Variants in DOCK2 observed in about 807,000 individuals in gnomAD.
DOCK2 encodes the protein dedicator of cytokinesis 2, also known as dedicator of cytokinesis protein 2.
Under a neutral mutation model 248.9 loss-of-function variants are expected in DOCK2, and 87 were observed. The ratio of observed to expected loss-of-function variants is 0.35; its 90% CI spans 0.29 to 0.42. DOCK2 has a LOEUF of 0.42. DOCK2 is among the 10% of genes least tolerant of loss of function. DOCK2 has a pLI of 1.00. For missense variants in DOCK2, 1,747 were observed against 2,300.2 expected (o/e 0.76, Z 4.92); for synonymous variants, 805 against 821.6 (o/e 0.98, Z 0.35).
At chr5:169,818,242 G>A (rs1000105526) in intron 26 of DOCK2, among the ~76,000 whole-genome samples, 2 of 152,170 alleles carry the variant, frequency 1.3e-5, no homozygotes, top group African/African-American at 4.8e-5. Context: ...TCACCACACT[G>A]TGCCCAGCTT....
intron 33 of DOCK2, among the ~76,000 whole-genome samples, chr5:170,020,168 C>T (rs1755672414): frequency 6.6e-6 from 1 of 152,214 alleles, no homozygotes; most frequent in Non-Finnish European, 1.5e-5. Context: ...CCCCGCCTTA[C>T]CTCTTCTCCA....
chr5:169,889,426 A>G (rs1196427424), intron 27 of DOCK2, among the ~76,000 whole-genome samples: 3 of 152,220 alleles, frequency 2.0e-5, no homozygotes, highest in Non-Finnish European at 4.4e-5. Context: ...CCTGATCCCT[A>G]TTGTAGCACT....
chr5:169,848,160 A>G (rs922023400), intron 27 of DOCK2, among the ~76,000 whole-genome samples: 1 of 152,218 alleles, frequency 6.6e-6, no homozygotes, highest in Admixed American at 6.5e-5. Context: ...GAGAGGTTAA[A>G]ATATATTTTT....
intron 2 of DOCK2, among the ~76,000 whole-genome samples, chr5:169,663,442 G>A (rs1041597256): frequency 6.6e-6 from 1 of 152,190 alleles, no homozygotes; most frequent in African/African-American, 2.4e-5. Context: ...TCTGTGTGGG[G>A]GCTCCAACCC....
rs562383436 is a variant in DOCK2, at chr5:169,906,609, G to T, written c.2799+65757G>T. Among the ~76,000 whole-genome samples the T allele has an allele frequency of 7.9e-5, 12 of 152,276 alleles. No homozygotes were observed. The East Asian group carries it at 2.1e-3, about 27-fold the overall frequency. On this transcript the variant is annotated intron_variant, in intron 27 of 51. Transcript: ENST00000520908. ...AGCCTCCCAAAGTGCTGGGGTTACG[G>T]GTATGAGCCACCCATGCCTGGCCAA...
At chr5:170,078,900 C>T in intron 48 of DOCK2, 75 bp from the exon 49 acceptor site, 3 of 1,559,656 alleles carry the variant, frequency 1.9e-6, no homozygotes, top group African/African-American at 1.4e-5. Flanking sequence ...TCCCCTTCAG[C>T]TTCCTGGGTC....
rs1237691630 is a variant in DOCK2, at chr5:169,678,033, C to G, written c.470+3588C>G. On this transcript the variant is annotated intron_variant, in intron 6 of 51. Coordinates refer to ENST00000520908, the MANE Select transcript of DOCK2 (RefSeq NM_004946.3). ...TGTAGATGATCCATCTTGAGGCAGT[C>G]TTTAAGTGGGGGAGAATTCTGTAGC... Among the ~76,000 whole-genome samples, 4 of 152,278 alleles carry G rather than the reference C, an allele frequency of 2.6e-5. No individual in the cohort carries two copies. The East Asian group carries it at 5.8e-4, about 22-fold the overall frequency.
intron 44 of DOCK2, among the ~76,000 whole-genome samples, chr5:170,064,841 G>A (rs1024116807): frequency 6.6e-6 from 1 of 152,236 alleles, no homozygotes. Flanking sequence ...AGCACCATTA[G>A]ACCTGCCTTA....
intron 27 of DOCK2, among the ~76,000 whole-genome samples, chr5:169,845,680 C>G (rs556244837): frequency 3.3e-5 from 5 of 152,318 alleles, no homozygotes; most frequent in Admixed American, 6.5e-5. Flanking sequence ...CCTGTTCAGA[C>G]TTTCTGGCTC....
chr5:169,950,036 T>A (rs944718923), intron 27 of DOCK2, among the ~76,000 whole-genome samples: 1 of 152,172 alleles, frequency 6.6e-6, no homozygotes, highest in Non-Finnish European at 1.5e-5. Flanking sequence ...CACAGATGCT[T>A]CCCACTGAGG....
chr5:169,792,778 A>G (rs1277738496), intron 25 of DOCK2, among the ~76,000 whole-genome samples: 2 of 152,230 alleles, frequency 1.3e-5, no homozygotes, highest in Non-Finnish European at 2.9e-5. Context: ...AAATGTAATC[A>G]TTCTAAGCAT....
chr5:169,986,790 TTTCATGGAAAGCCC>T (rs2113789144), intron 29 of DOCK2, among the ~76,000 whole-genome samples: 1 of 152,368 alleles, frequency 6.6e-6, no homozygotes, highest in South Asian at 2.1e-4. Context: ...TTTTAAATTC[TTTCATGGAAAGCCC>T]TTCAACTTAT....
At chr5:169,876,592 C>G (rs1322689232) in intron 27 of DOCK2, among the ~76,000 whole-genome samples, 2 of 152,228 alleles carry the variant, frequency 1.3e-5, no homozygotes, top group Non-Finnish European at 2.9e-5. Context: ...GCAGCAAGCT[C>G]TCTGAGTCAT....
chr5:169,735,226 G>T (rs935774772), intron 22 of DOCK2, among the ~76,000 whole-genome samples: 2 of 151,886 alleles, frequency 1.3e-5, no homozygotes, highest in African/African-American at 4.8e-5. Flanking sequence ...GGCCTGCAAG[G>T]GTCTCCTGGT....
At chr5:170,029,653 C>A (rs151258444) in intron 34 of DOCK2, among the ~76,000 whole-genome samples, 1 of 152,188 alleles carries the variant, frequency 6.6e-6, no homozygotes. Context: ...CCCCTTCTCC[C>A]GCGAGGCCTT....
chr5:169,646,087 G>C (rs1757444047), intron 1 of DOCK2, among the ~76,000 whole-genome samples: 1 of 152,156 alleles, frequency 6.6e-6, no homozygotes, highest in African/African-American at 2.4e-5. Flanking sequence ...TTACATTTAA[G>C]TTTGTAATCC....
At chr5:169,980,149 T>G (rs571122141) in intron 27 of DOCK2, 1 of 151,588 alleles carries the variant, frequency 6.6e-6, no homozygotes, top group South Asian at 2.1e-4. Context: ...CACACACACA[T>G]ACAAGCTCCC....
intron 26 of DOCK2, among the ~76,000 whole-genome samples, chr5:169,815,386 A>G (rs919815031): frequency 6.6e-6 from 1 of 152,218 alleles, no homozygotes; most frequent in Non-Finnish European, 1.5e-5. Flanking sequence ...ATATTGCATT[A>G]TCTGCCATTA....
intron 21 of DOCK2, among the ~76,000 whole-genome samples, chr5:169,718,097 G>A (rs973353038): frequency 1.3e-5 from 2 of 151,912 alleles, no homozygotes; most frequent in Non-Finnish European, 1.5e-5. Flanking sequence ...AAACAGCGGG[G>A]GAGCTACACA....
Sources: gnomAD v4.1 joint callset for allele counts (sites outside exome capture counted in the v4.1 genomes callset) on GRCh38, gnomAD v4.1.1 for gene constraint, MANE v1.5 for transcripts, NCBI Gene and HGNC (gene_info 2026-07-23, HGNC 2026-07-21) for gene names.